Variants in GABRB2 observed in about 807,000 individuals in gnomAD.
GABRB2 encodes the protein gamma-aminobutyric acid type A receptor subunit beta2, also known as gamma-aminobutyric acid receptor subunit beta-2.
GABRB2 carries 16 observed loss-of-function variants against 54.7 expected under a neutral mutation model. The observed-to-expected ratio is 0.29, with a 90% CI of 0.20 to 0.44. The LOEUF (loss-of-function observed/expected upper bound fraction) is 0.44, where lower values mean the gene tolerates loss of function less well. GABRB2 is among the 20% of genes least tolerant of loss of function. The pLI is 1.00. For synonymous variants in GABRB2, 244 were observed against 233.8 expected, an observed-to-expected ratio of 1.04 and a Z score of -0.40; for missense variants, 355 against 644.0, an observed-to-expected ratio of 0.55 and a Z score of 4.86.
intron 9 of GABRB2, among the ~76,000 whole-genome samples, chr5:161,319,105 C>T (rs765073530): frequency 2.0e-5 from 3 of 149,514 alleles, no homozygotes; most frequent in Non-Finnish European, 4.4e-5. Context: ...CTTACTTTCC[C>T]TAATGTAATT....
At chr5:161,402,501 A>G (rs1756227648) in intron 5 of GABRB2, among the ~76,000 whole-genome samples, 5 of 152,226 alleles carry the variant, frequency 3.3e-5, no homozygotes, top group Non-Finnish European at 7.3e-5. Flanking sequence ...AATGGAAAAG[A>G]ATGCCATCAT....
rs1756620013 is a variant in GABRB2 at position 161,414,877 on chromosome 5, C to T, written c.459-3820G>A. Among the ~76,000 whole-genome samples the T allele has an allele frequency of 2.6e-5, 4 of 152,070 alleles. No homozygotes were observed. The South Asian group carries it at 8.3e-4, about 32-fold the overall frequency. The stretch of plus-strand genomic sequence containing the variant: ...CTTATTTAACTCATGTAAAAACTCT[C>T]AAATATATTTGGAAGTTAAAATATA... On this transcript the variant is annotated intron_variant, in intron 4 of 9. Coordinates refer to ENST00000393959, the MANE Select transcript of GABRB2 (RefSeq NM_001371727.1).
At chr5:161,410,769 G>A (rs537260810) in intron 5 of GABRB2, among the ~76,000 whole-genome samples, 7 of 152,116 alleles carry the variant, frequency 4.6e-5, no homozygotes, top group South Asian at 2.1e-4. Context: ...AATATCTCTC[G>A]CGAAGAGTTA....
intron 4 of GABRB2, among the ~76,000 whole-genome samples, chr5:161,454,994 A>G (rs954341779): frequency 1.3e-5 from 2 of 152,150 alleles, no homozygotes; most frequent in African/African-American, 4.8e-5. Context: ...GAAAACAGAG[A>G]TCCAATAAGG....
intron 3 of GABRB2, among the ~76,000 whole-genome samples, chr5:161,475,254 A>C (rs574230239): frequency 6.6e-6 from 1 of 152,094 alleles, no homozygotes; most frequent in Non-Finnish European, 1.5e-5. Flanking sequence ...CAAGACACAC[A>C]ATTACATATG....
chr5:161,534,451 T>A (rs1420780443), intron 3 of GABRB2, among the ~76,000 whole-genome samples: 1 of 152,190 alleles, frequency 6.6e-6, no homozygotes. Flanking sequence ...CTTGTAGGAA[T>A]TTCCATGAAT....
chr5:161,468,010 T>C lies in GABRB2; in HGVS notation c.238-8166A>G, dbSNP rs914465656. The stretch of plus-strand genomic sequence containing the variant: ...GCTTTGGAATATTTATAGAAAATAA[T>C]TCAGCAGCAAGTTTTGACAGCTTTA... On this transcript the variant is annotated intron_variant, in intron 3 of 9. Coordinates refer to ENST00000393959, the MANE Select transcript of GABRB2 (RefSeq NM_001371727.1). Among the ~76,000 whole-genome samples, 15 of 152,186 alleles carry C rather than the reference T, an allele frequency of 9.9e-5. No homozygotes were observed. In the East Asian group the frequency reaches 1.4e-3, roughly 14 times the overall value.
chr5:161,333,024 T>C (rs1753898182), intron 7 of GABRB2, among the ~76,000 whole-genome samples: 3 of 152,178 alleles, frequency 2.0e-5, no homozygotes, highest in Admixed American at 1.3e-4. Flanking sequence ...ATCATACGTA[T>C]ATAATAAAAC....
chr5:161,501,433 C>T (rs1581038110), intron 3 of GABRB2, among the ~76,000 whole-genome samples: 1 of 152,008 alleles, frequency 6.6e-6, no homozygotes, highest in Admixed American at 6.6e-5. Context: ...CTTTTGAGTG[C>T]TTTATTTTTG....
intron 9 of GABRB2, among the ~76,000 whole-genome samples, chr5:161,311,606 T>C (rs1244681304): frequency 6.6e-6 from 1 of 152,184 alleles, no homozygotes; most frequent in Non-Finnish European, 1.5e-5. Context: ...GAATCCTCAG[T>C]GTAGTTCTCA....
intron 3 of GABRB2, among the ~76,000 whole-genome samples, chr5:161,505,627 C>T (rs983177308): frequency 6.6e-6 from 1 of 152,094 alleles, no homozygotes; most frequent in Non-Finnish European, 1.5e-5. Flanking sequence ...AATGTCAACA[C>T]ACTTTAAAAT....
chr5:161,294,790 C>A (rs536795412), intron 9 of GABRB2, among the ~76,000 whole-genome samples: 1 of 152,242 alleles, frequency 6.6e-6, no homozygotes, highest in South Asian at 2.1e-4. Context: ...AAAAATTAAG[C>A]TGTGCTAGGC....
At chr5:161,410,912 G>T in intron 5 of GABRB2, 63 bp downstream of exon 5, 1 of 1,249,474 alleles carries the variant, frequency 8.0e-7, no homozygotes. Context: ...GCCAGGACTG[G>T]AGGCCTCTGC....
intron 9 of GABRB2, among the ~76,000 whole-genome samples, chr5:161,324,079 G>T (rs1758294895): frequency 6.6e-6 from 1 of 152,100 alleles, no homozygotes; most frequent in Admixed American, 6.6e-5. Context: ...TATGTTAAAT[G>T]AATTATGGCA....
rs982274915 is a variant in GABRB2, at chr5:161,543,747, A to C, written c.237+1480T>G. 2.0e-5 allele frequency among the ~76,000 whole-genome samples: 3 copies of C among 152,216 alleles called. No individual in the cohort carries two copies. The East Asian group carries it at 5.8e-4, about 29-fold the overall frequency. On this transcript the variant is annotated intron_variant, in intron 3 of 9. Transcript: ENST00000393959. ...TATAAACTGATAAAAGACCTTTCAA[A>C]TTCACCAAAAGTGAATATTTGTATA...
chr5:161,382,893 C>T (rs554529824), intron 5 of GABRB2, among the ~76,000 whole-genome samples: 63 of 152,232 alleles, frequency 4.1e-4, no homozygotes, highest in African/African-American at 1.3e-3. Context: ...TCCCCTGAGC[C>T]GATCTCTTGG....
intron 9 of GABRB2, among the ~76,000 whole-genome samples, chr5:161,324,034 A>T (rs1033165217): frequency 6.6e-6 from 1 of 152,228 alleles, no homozygotes; most frequent in Non-Finnish European, 1.5e-5. Context: ...ACTTAGAAAC[A>T]ATGCAAACAT....
chr5:161,492,919 C>A (rs998859835), intron 3 of GABRB2, among the ~76,000 whole-genome samples: 1 of 151,660 alleles, frequency 6.6e-6, no homozygotes, highest in African/African-American at 2.4e-5. Flanking sequence ...ATATACATTT[C>A]TTCTCCCATT....
intron 5 of GABRB2, among the ~76,000 whole-genome samples, chr5:161,363,331 G>A (rs1158042588): frequency 2.0e-5 from 3 of 152,036 alleles, no homozygotes; most frequent in East Asian, 1.9e-4. Context: ...TGAACAATGA[G>A]GACACATGGA....
Sources: gnomAD v4.1 joint callset for allele counts (sites outside exome capture counted in the v4.1 genomes callset) on GRCh38, gnomAD v4.1.1 for gene constraint, MANE v1.5 for transcripts, NCBI Gene and HGNC (gene_info 2026-07-23, HGNC 2026-07-21) for gene names.